The following CACNA1F variants were observed in gnomAD, a reference collection of about 807,000 sequenced individuals.
CACNA1F encodes the protein calcium voltage-gated channel subunit alpha1 F.
Under a neutral mutation model 143.8 loss-of-function variants are expected in CACNA1F, and 59 were observed. The observed-to-expected ratio is 0.41, with a 90% CI of 0.33 to 0.51. CACNA1F has a LOEUF of 0.51. Ranked by LOEUF, CACNA1F falls within the 20% of genes least tolerant of loss-of-function variation. The probability of loss-of-function intolerance (pLI) is 0.22; values close to 1 mark genes in which losing one functional copy is unlikely to be tolerated. For synonymous variants in CACNA1F, 643 were observed against 649.1 expected (o/e 0.99, Z 0.14); for missense variants, 1,411 against 1,647.5 (o/e 0.86, Z 2.48).
intron 31 of CACNA1F, 142 bp downstream of exon 31, chrX:49,213,675 GAT>G: frequency 1.9e-6 from 1 of 539,567 alleles, no homozygotes; most frequent in Non-Finnish European, 3.4e-6. Flanking sequence ...ACTCAGAAGA[GAT>G]AGAGCTAGAA....
chrX:49,209,950 G>A lies in CACNA1F; in HGVS notation c.4681C>T (p.Pro1561Ser). 8.3e-7 allele frequency: 1 copy of A among 1,198,792 alleles called. No homozygotes were observed. Among genetic ancestry groups the A allele is most frequent in the South Asian group, 1.8e-5 (1 of 56,732 alleles). The change falls in exon 40 of 48, where the codon CCA becomes TCA. Residue 1561 changes from proline to serine, a missense_variant. Physicochemically the swap from Pro to Ser is moderately conservative, Grantham distance 74. Around this residue, in one of 3 missense-constraint regions of CACNA1F, gnomAD observed 349 missense variants for 350.2 expected, o/e 1.00. Transcript: ENST00000323022. ...KQKLLDEVIP[P>S]PDEEEVTVGK... is the part of the protein sequence containing the mutation. ...GGCGGGGATAGCTCACCGTCTGGTG[G>A]GGGGATGACCTCATCTAGCAGCTTC...
Position 49,231,727 on chromosome X carries a change from T to C in CACNA1F, c.226A>G (p.Thr76Ala). The stretch of plus-strand genomic sequence containing the variant: ...GACCGTCGCAGAGGATTGGCCAGGG[T>C]GAGGCAGAAGAGTGCCCGAGGTGAC... ...QRSPRALFCL[T>A]LANPLRRSCI... The change falls in exon 2 of 48, where the codon ACC becomes GCC. Residue 76 changes from threonine (T) to alanine (A), a missense_variant. Thr to Ala is a moderately conservative substitution (Grantham distance 58). Transcript: ENST00000323022. 1 of 1,211,594 alleles carries C rather than the reference T, an allele frequency of 8.3e-7. No individual in the cohort carries two copies. The highest frequency in any genetic ancestry group is 1.1e-6 in the Non-Finnish European group (1 of 895,410).
At chrX:49,214,328 C>A in intron 29 of CACNA1F, 59 bp from the exon 30 acceptor site, 2 of 697,716 alleles carry the variant, frequency 2.9e-6, no homozygotes, top group South Asian at 2.1e-5. Context: ...CACACCCAAC[C>A]AAATATTCCC....
chrX:49,215,152 G>A lies in CACNA1F; in HGVS notation c.3531C>T (p.Asn1177=). 2.5e-6 allele frequency: 3 copies of A among 1,209,990 alleles called. No individual in the cohort carries two copies. The highest frequency in any genetic ancestry group is 3.4e-6 in the Non-Finnish European group (3 of 893,982). Residue 1177 remains asparagine (N), a synonymous_variant, in exon 29 of 48, where the codon AAC becomes AAT. Coordinates refer to ENST00000323022, the MANE Select transcript of CACNA1F (RefSeq NM_001256789.3). The stretch of plus-strand genomic sequence containing the variant: ...ACATCAGGTACTCAAAGGCAGCAGA[G>A]TTCACAGTGGCCCACACACGATACT... ...PHQYRVWATV[N]SAAFEYLMFL... is the part of the protein sequence containing the mutation.
Position 49,230,994 on chromosome X carries a change from G to C in CACNA1F, c.382-5C>G. The stretch of plus-strand genomic sequence containing the variant: ...GAATACGTACTCCACCTGCTCCTGG[G>C]GGTGGGACCGGGGGGCGGGTCGGGA... On this transcript the variant is annotated splice_region_variant and splice_polypyrimidine_tract_variant and intron_variant, in intron 3 of 47. Transcript: ENST00000323022. The C allele has an allele frequency of 1.7e-6, 2 of 1,178,945 alleles. No homozygotes were observed. The highest frequency in any genetic ancestry group is 2.3e-6 in the Non-Finnish European group (2 of 868,080).
In CACNA1F at chrX:49,220,437, G is replaced by A. The variant is rs200948921; in HGVS notation, c.2386+36C>T. 3.6e-3 allele frequency: 4,145 copies of A among 1,138,379 alleles called. 4 individuals carry two copies. The highest frequency in any genetic ancestry group is 4.4e-3 in the Non-Finnish European group (3,713 of 834,571). The allele number at this position is 1,138,379 out of a possible 1,213,427, so 93.8% of individuals were successfully genotyped here. On this transcript the variant is annotated intron_variant, in intron 19 of 47. Coordinates refer to ENST00000323022, the MANE Select transcript of CACNA1F (RefSeq NM_001256789.3). ...TGTCTGCCTGAGCTCTTTCCCCAAG[G>A]TCCCACACCTGCTCCACCTGGCCCT... is the stretch of plus-strand genomic sequence containing the variant.
At chrX:49,221,209 C>T (rs1364382879) in intron 17 of CACNA1F, 129 bp from the exon 18 acceptor site, 14 of 561,939 alleles carry the variant, frequency 2.5e-5, no homozygotes, top group African/African-American at 4.5e-5. Flanking sequence ...CCCAACAGTC[C>T]GTTCTCAAAG....
At chrX:49,222,261 C>A in intron 17 of CACNA1F, 4 of 383,213 alleles carry the variant, frequency 1.0e-5, no homozygotes, top group Non-Finnish European at 1.8e-5. Context: ...TTCTTGCCTT[C>A]CTCAACTAGA....
rs2065810426 is a variant in CACNA1F, at chrX:49,225,036, CAT to C, written c.1652-52_1652-51del. On this transcript the variant is annotated intron_variant, in intron 13 of 47. Transcript: ENST00000323022. ...TCGGGCTGGCCAGTTTCTGTGGTGA[CAT>C]GTGGGGAGGTAACTAGGGACCATGG... 3 of 886,393 alleles carry C rather than the reference CAT, an allele frequency of 3.4e-6. No individual in the cohort carries two copies. In the East Asian group the frequency reaches 1.0e-4, roughly 30 times the overall value. The allele number at this position is 886,393 out of a possible 1,213,427, so 73.0% of individuals were successfully genotyped here.
At position 49,215,062 on chromosome X, in the gene CACNA1F, G is replaced by A. The variant is rs149700101; in HGVS notation, c.3597+24C>T. On this transcript the variant is annotated intron_variant, in intron 29 of 47. Transcript: ENST00000323022. Reference sequence around the variant, plus strand: ...GAGATAATAGGGTCAGGAGTCTGGCGGGGGTCAGGCAGGGATCTCAGACCT... The same window carrying A: ...GAGATAATAGGGTCAGGAGTCTGGCAGGGGTCAGGCAGGGATCTCAGACCT... The A allele has an allele frequency of 0.021, 25,389 of 1,192,760 alleles. 224 individuals carry two copies. The highest frequency in any genetic ancestry group is 0.024 in the Non-Finnish European group (21,470 of 880,140).
chrX:49,218,051 T>A, intron 24 of CACNA1F, 46 bp from the exon 25 acceptor site: 2 of 972,959 alleles, frequency 2.1e-6, no homozygotes, highest in African/African-American at 1.9e-5. Context: ...CAGGCCACAG[T>A]GGTCATGGGG....
chrX:49,213,942 C>T, intron 30 of CACNA1F, 40 bp from the exon 31 acceptor site: 2 of 1,038,121 alleles, frequency 1.9e-6, no homozygotes, highest in Non-Finnish European at 2.7e-6. Flanking sequence ...CTTCTCAAAG[C>T]TCGCAAGCCA....
At chrX:49,210,569 G>T (rs992689566) in intron 38 of CACNA1F, 21 bp downstream of exon 38, 83 of 1,174,495 alleles carry the variant, frequency 7.1e-5, no homozygotes, top group Non-Finnish European at 9.4e-5. Flanking sequence ...CAGGAGCCTG[G>T]GGGTGGGCAG....
At position 49,228,097 on chromosome X, in the gene CACNA1F, C is replaced by T. The variant is rs782107102; in HGVS notation, c.1057G>A (p.Val353Met). ...MGYELPWVYF[V>M]SLVIFGSFFV... The stretch of plus-strand genomic sequence containing the variant: ...AAGGACCCAAAGATGACAAGGCTCA[C>T]AAAGTACACCCAGGGCAGTTCATAC... The change falls in exon 8 of 48, where the codon GTG (valine) becomes ATG (methionine). Residue 353 changes from valine (V) to methionine (M), a missense_variant. Val to Met is a conservative substitution (Grantham distance 21). Coordinates refer to ENST00000323022, the MANE Select transcript of CACNA1F (RefSeq NM_001256789.3). The T allele has an allele frequency of 8.3e-7, 1 of 1,209,153 alleles. No homozygotes were observed. The highest frequency in any genetic ancestry group is 1.7e-5 in the African/African-American group (1 of 57,155).
At chrX:49,228,540 G>T in intron 6 of CACNA1F, 93 bp from the exon 7 acceptor site, 2 of 672,697 alleles carry the variant, frequency 3.0e-6, no homozygotes, top group Non-Finnish European at 2.3e-6. Flanking sequence ...CTCGACTTGG[G>T]TCCTAGATTT....
At position 49,230,329 on chromosome X, in the gene CACNA1F, C is replaced by T; in HGVS notation, c.708G>A (p.Pro236=). 8.3e-7 allele frequency: 1 copy of T among 1,209,457 alleles called. No individual in the cohort carries two copies. The highest frequency in any genetic ancestry group is 1.1e-6 in the Non-Finnish European group (1 of 894,151). The change falls in exon 6 of 48, where the codon CCG becomes CCA. Residue 236 remains proline (P), a synonymous_variant. Coordinates refer to ENST00000323022, the MANE Select transcript of CACNA1F (RefSeq NM_001256789.3). ...GCACGAGCAGTGCAATGTGCAGCAG[C>T]GGCACCAGAGCCTTCATGATGGAAT... ...VLNSIMKALV[P]LLHIALLVLF... is the part of the protein sequence containing the mutation.
chrX:49,222,086 C>A (rs1557108859), intron 17 of CACNA1F, among the ~76,000 whole-genome samples: 2 of 111,507 alleles, frequency 1.8e-5, no homozygotes, highest in African/African-American at 6.5e-5. Context: ...GCATGGCTCA[C>A]TCCCTCACTT....
Position 49,205,274 on chromosome X carries a change from G to A in CACNA1F, c.5764C>T (p.Leu1922=), listed in dbSNP as rs1557104529. ...QEIADACRLT[L]DEMDNAASDL... is the part of the protein sequence containing the mutation. ...CTGGCAGCATTGTCCATCTCATCCA[G>A]CGTCAGGCGACACGCATCTGCAATC... Residue 1922 remains leucine (L), a synonymous_variant, in exon 48 of 48, where the codon CTG becomes TTG. Coordinates refer to ENST00000323022, the MANE Select transcript of CACNA1F (RefSeq NM_001256789.3). 1 of 1,209,826 alleles carries A rather than the reference G, an allele frequency of 8.3e-7. No homozygotes were observed. Among genetic ancestry groups the A allele is most frequent in the East Asian group, 3.0e-5 (1 of 33,763 alleles).
intron 8 of CACNA1F, among the ~76,000 whole-genome samples, chrX:49,227,535 A>C (rs1884130151): frequency 8.9e-6 from 1 of 111,889 alleles, no homozygotes; most frequent in African/African-American, 3.3e-5. Flanking sequence ...TATGTTGCCC[A>C]GGCTGGTCTC....
Sources: allele counts gnomAD v4.1 joint callset (sites outside exome capture counted in the v4.1 genomes callset), GRCh38; gene constraint gnomAD v4.1.1; regional missense constraint gnomAD v4.1.1; transcripts MANE v1.5; gene names NCBI Gene and HGNC (gene_info 2026-07-23, HGNC 2026-07-21).